Variants in ASTN1 observed in about 807,000 individuals in gnomAD.
ASTN1 encodes astrotactin-1.
ASTN1 carries 41 observed loss-of-function variants against 140.7 expected under a neutral mutation model. The observed-to-expected ratio is 0.29, with a 90% CI of 0.23 to 0.38. The LOEUF (loss-of-function observed/expected upper bound fraction) is 0.38, where lower values mean the gene tolerates loss of function less well. Among genes scored for constraint, ASTN1 ranks in the 10% least tolerant of loss-of-function variants. The pLI, the probability that ASTN1 is intolerant of heterozygous loss-of-function variation, is 1.00. For synonymous variants in ASTN1, 640 were observed against 652.2 expected (o/e 0.98, Z 0.29); for missense variants, 1,479 against 1,678.8 (o/e 0.88, Z 2.08).
intron 1 of ASTN1, among the ~76,000 whole-genome samples, chr1:177,115,448 G>A (rs1019282596): frequency 6.6e-6 from 1 of 152,046 alleles, no homozygotes; most frequent in African/African-American, 2.4e-5. Context: ...AAGGCAGGTG[G>A]ATCACCTGAG....
At chr1:177,136,621 T>C (rs907370197) in intron 1 of ASTN1, among the ~76,000 whole-genome samples, 1 of 152,184 alleles carries the variant, frequency 6.6e-6, no homozygotes, top group African/African-American at 2.4e-5. Flanking sequence ...CCCAAAGTGC[T>C]GGGATTACAG....
rs1006819644 is a variant in ASTN1 at position 176,967,096 on chromosome 1, T to A, written c.1524-1859A>T. ...GAACTATATAAGGAAGTGGCTAGGA[T>A]GAATGTGTTCCTTATTTAAGCTTAC... On this transcript the variant is annotated intron_variant, in intron 8 of 22. Transcript: ENST00000361833. 7.2e-5 allele frequency among the ~76,000 whole-genome samples: 11 copies of A among 152,200 alleles called. 1 individual carries two copies. The highest frequency in any genetic ancestry group is 6.2e-4 in the South Asian group (3 of 4,836).
chr1:177,097,223 C>T (rs34407646), intron 1 of ASTN1, among the ~76,000 whole-genome samples: 4,577 of 152,238 alleles, frequency 0.03, 115 homozygotes, highest in East Asian at 0.11. Context: ...GAATTATCAC[C>T]ACTGCTAGGA....
chr1:177,029,891 T>C (rs1419414768), intron 4 of ASTN1, 150 bp from the exon 5 acceptor site: 3 of 722,956 alleles, frequency 4.1e-6, no homozygotes. Context: ...TGGGGCTTCC[T>C]CATACACGGA....
At chr1:176,883,495 G>T (rs1400734202) in intron 19 of ASTN1, among the ~76,000 whole-genome samples, 1 of 152,162 alleles carries the variant, frequency 6.6e-6, no homozygotes, top group African/African-American at 2.4e-5. Flanking sequence ...CGCCTGGCCT[G>T]GGCGCTCCTT....
At position 177,023,539 on chromosome 1, in the gene ASTN1, G is replaced by A; in HGVS notation, c.1303C>T (p.Leu435=). The change falls in exon 7 of 23, where the codon CTG becomes TTG. Residue 435 remains leucine, a synonymous_variant. Coordinates refer to ENST00000361833, the MANE Select transcript of ASTN1 (RefSeq NM_004319.3). ...GGGTTCAGCCAGTCACTGGCATCCA[G>A]CTGGCTCCCCTCCAGCAAGATGAAG... ...SRFILLEGSQ[L]DASDWLNPAQ... 6.2e-7 allele frequency: 1 copy of A among 1,603,804 alleles called. No individual in the cohort carries two copies. Among genetic ancestry groups the A allele is most frequent in the Non-Finnish European group, 8.5e-7 (1 of 1,176,788 alleles).
At chr1:176,916,837 G>A (rs1670505559) in intron 16 of ASTN1, among the ~76,000 whole-genome samples, 1 of 152,052 alleles carries the variant, frequency 6.6e-6, no homozygotes, top group Non-Finnish European at 1.5e-5. Context: ...AGCTCTCAAG[G>A]GACTTGAAGG....
intron 4 of ASTN1, among the ~76,000 whole-genome samples, chr1:177,030,203 A>G (rs887747626): frequency 6.6e-6 from 1 of 152,250 alleles, no homozygotes; most frequent in African/African-American, 2.4e-5. Context: ...TGTAAAGGGA[A>G]CAATTCTAAT....
Position 176,861,410 on chromosome 1 carries a change from A to G in ASTN1, c.*2874T>C. On this transcript the variant is annotated 3_prime_UTR_variant, in exon 23 of 23. Coordinates refer to ENST00000361833, the MANE Select transcript of ASTN1 (RefSeq NM_004319.3). ...GGAGCTGGGAGAGTGTTGGTGGGAT[A>G]TAAGCACCTCCCTTAAGACCTGTTT... 2 of 985,870 alleles carry G rather than the reference A, an allele frequency of 2.0e-6. No individual in the cohort carries two copies. Among genetic ancestry groups the G allele is most frequent in the Non-Finnish European group, 2.4e-6 (2 of 829,940 alleles). The allele number at this position is 985,870 out of a possible 1,614,324, so 61.1% of individuals were successfully genotyped here. A position where few individuals can be genotyped will look rare whatever the true frequency, so the allele number is the denominator to read the frequency against.
intron 1 of ASTN1, among the ~76,000 whole-genome samples, chr1:177,146,628 C>T (rs1682731058): frequency 6.6e-6 from 1 of 152,136 alleles, no homozygotes; most frequent in East Asian, 1.9e-4. Context: ...TCAGAAAAGT[C>T]TTCAAGTATT....
At chr1:177,032,434 C>T in intron 3 of ASTN1, 22 bp downstream of exon 3, 1 of 1,606,246 alleles carries the variant, frequency 6.2e-7, no homozygotes, top group African/African-American at 1.3e-5. Flanking sequence ...CAAACAGCCC[C>T]TTGCCTTTCT....
intron 1 of ASTN1, among the ~76,000 whole-genome samples, chr1:177,073,281 T>A (rs1466731531): frequency 6.6e-6 from 1 of 152,164 alleles, no homozygotes; most frequent in African/African-American, 2.4e-5. Flanking sequence ...CTTTCATTCA[T>A]AAACTGTTTA....
At chr1:176,952,864 G>A (rs1672249746) in intron 11 of ASTN1, among the ~76,000 whole-genome samples, 1 of 152,108 alleles carries the variant, frequency 6.6e-6, no homozygotes, top group South Asian at 2.1e-4. Context: ...AGACCCCCAA[G>A]GTCATATATT....
intron 8 of ASTN1, among the ~76,000 whole-genome samples, chr1:176,979,038 G>C (rs546421747): frequency 1.3e-5 from 2 of 152,298 alleles, no homozygotes; most frequent in African/African-American, 4.8e-5. Flanking sequence ...GTTAAAGGGA[G>C]TTCGTGAATA....
chr1:176,929,157 A>G (rs1457611656), intron 16 of ASTN1, among the ~76,000 whole-genome samples: 1 of 152,148 alleles, frequency 6.6e-6, no homozygotes, highest in Non-Finnish European at 1.5e-5. Context: ...TGGAGAGGTG[A>G]GAGGGGGTGG....
At chr1:177,057,251 A>G (rs1413621145) in intron 2 of ASTN1, among the ~76,000 whole-genome samples, 2 of 152,192 alleles carry the variant, frequency 1.3e-5, no homozygotes, top group South Asian at 2.1e-4. Flanking sequence ...CCGAGCTCCC[A>G]GCTGGGGAAT....
At chr1:177,016,903 G>T (rs1675572749) in intron 7 of ASTN1, among the ~76,000 whole-genome samples, 1 of 152,142 alleles carries the variant, frequency 6.6e-6, no homozygotes, top group African/African-American at 2.4e-5. Context: ...TGGACAATTA[G>T]CCATGGGCAT....
At chr1:177,150,125 G>A (rs1373748557) in intron 1 of ASTN1, among the ~76,000 whole-genome samples, 1 of 151,978 alleles carries the variant, frequency 6.6e-6, no homozygotes, top group Non-Finnish European at 1.5e-5. Context: ...TAATATGCCT[G>A]ATAGCCTCAA....
intron 1 of ASTN1, among the ~76,000 whole-genome samples, chr1:177,106,826 T>G (rs1279144601): frequency 2.6e-5 from 4 of 152,132 alleles, no homozygotes; most frequent in African/African-American, 9.7e-5. Context: ...CATTCTCAGA[T>G]AATCATAGTA....
Sources: gnomAD v4.1 joint callset for allele counts (sites outside exome capture counted in the v4.1 genomes callset) on GRCh38, gnomAD v4.1.1 for gene constraint, MANE v1.5 for transcripts, NCBI Gene and HGNC (gene_info 2026-07-23, HGNC 2026-07-21) for gene names.